LRCH2: variants seen among roughly 807,000 people sequenced by gnomAD.
LRCH2 encodes the protein leucine-rich repeat and calponin homology domain-containing protein 2.
In LRCH2, 38 loss-of-function variants were observed where a neutral mutation model predicts 68.9. The observed-to-expected ratio is 0.55, with a 90% confidence interval of 0.43 to 0.72. The LOEUF is 0.72. Among genes scored for constraint, LRCH2 ranks in the 30% least tolerant of loss-of-function variants. LRCH2 has a pLI of 0.00. For missense variants in LRCH2, 528 were observed against 572.9 expected, an observed-to-expected ratio of 0.92 and a Z score of 0.80; for synonymous variants, 191 against 208.1, an observed-to-expected ratio of 0.92 and a Z score of 0.71.
At chrX:115,161,181 C>T (rs897826855) in intron 11 of LRCH2, among the ~76,000 whole-genome samples, 9 of 111,037 alleles carry the variant, frequency 8.1e-5, no homozygotes, top group Non-Finnish European at 1.7e-4. Flanking sequence ...GGCGAAACCC[C>T]GTCTCTACTA....
chrX:115,125,835 AT>A (rs1458782232), intron 16 of LRCH2, among the ~76,000 whole-genome samples: 2 of 107,205 alleles, frequency 1.9e-5, no homozygotes, highest in East Asian at 5.8e-4. Flanking sequence ...ACAAAGACTA[AT>A]TTTAAGATAT....
chrX:115,148,104 T>C (rs2072402715), intron 14 of LRCH2, among the ~76,000 whole-genome samples: 1 of 111,401 alleles, frequency 9.0e-6, no homozygotes, highest in Non-Finnish European at 1.9e-5. Context: ...TAAAACTGTG[T>C]TTGTTTGAAA....
chrX:115,160,528 T>C (rs1376924685), intron 11 of LRCH2, among the ~76,000 whole-genome samples: 1 of 111,236 alleles, frequency 9.0e-6, no homozygotes. Context: ...TTAAGTAATA[T>C]ACAGTCAAAG....
intron 14 of LRCH2, among the ~76,000 whole-genome samples, chrX:115,137,530 G>T (rs2072300503): frequency 9.1e-6 from 1 of 109,749 alleles, no homozygotes; most frequent in African/African-American, 3.3e-5. Context: ...AGAAAAATGA[G>T]ATAGAAACCA....
intron 1 of LRCH2, among the ~76,000 whole-genome samples, chrX:115,221,179 C>CAAAA (rs1166166479): frequency 4.4e-5 from 3 of 68,897 alleles, no homozygotes; most frequent in African/African-American, 2.1e-4. Flanking sequence ...TCCATCTTAA[C>CAAAA]AAAAAAAAAA....
At chrX:115,178,446 T>A (rs1308954177) in intron 5 of LRCH2, among the ~76,000 whole-genome samples, 3 of 112,350 alleles carry the variant, frequency 2.7e-5, no homozygotes, top group African/African-American at 6.5e-5. Context: ...AACATTTCCA[T>A]CATTCAGAAA....
chrX:115,209,927 T>C (rs782308836), intron 1 of LRCH2, among the ~76,000 whole-genome samples: 1 of 111,518 alleles, frequency 9.0e-6, no homozygotes, highest in African/African-American at 3.3e-5. Flanking sequence ...CTGTGGAACT[T>C]TGAACTTGAG....
Position 115,126,878 on chromosome X carries a change from C to T in LRCH2, c.1756G>A (p.Ala586Thr). Residue 586 changes from alanine (A) to threonine (T), a missense_variant, in exon 16 of 21, where the codon GCT (alanine) becomes ACT (threonine). By Grantham distance (58) the Ala-to-Thr change is moderately conservative (BLOSUM62 0). Transcript: ENST00000317135. Reference protein sequence around the residue: ...NENDEQDSDNANMSTQSPVSS... With the variant: ...NENDEQDSDNTNMSTQSPVSS... ...ACTGGAGATTGTGTTGACATATTAGCATTATCACTGTCTTGCTAAAACATA... is the reference window on the plus strand; with the variant it reads ...ACTGGAGATTGTGTTGACATATTAGTATTATCACTGTCTTGCTAAAACATA... The T allele has an allele frequency of 9.4e-7, 1 of 1,062,825 alleles. No homozygotes were observed. Among genetic ancestry groups the T allele is most frequent in the Non-Finnish European group, 1.2e-6 (1 of 808,779 alleles). The allele number at this position is 1,062,825 out of a possible 1,213,427, so 87.6% of individuals were successfully genotyped here. A position where few individuals can be genotyped will look rare whatever the true frequency, so the allele number is the denominator to read the frequency against.
At chrX:115,150,657 G>A (rs1318637714) in intron 12 of LRCH2, among the ~76,000 whole-genome samples, 1 of 110,906 alleles carries the variant, frequency 9.0e-6, no homozygotes, top group African/African-American at 3.3e-5. Flanking sequence ...GTCCACTGAA[G>A]CTGCTATAAC....
At chrX:115,192,383 G>A (rs1556561251) in intron 1 of LRCH2, 3 of 1,158,347 alleles carry the variant, frequency 2.6e-6, no homozygotes, top group African/African-American at 3.6e-5. Flanking sequence ...GGAGGAGGAG[G>A]CCACTACGAG....
At chrX:115,163,446 G>C (rs1556542905) in intron 11 of LRCH2, among the ~76,000 whole-genome samples, 1 of 111,097 alleles carries the variant, frequency 9.0e-6, no homozygotes, top group Non-Finnish European at 1.9e-5. Context: ...CCCGTCCTAA[G>C]TATTTCCTAT....
intron 5 of LRCH2, among the ~76,000 whole-genome samples, chrX:115,172,752 A>ATTT (rs35680669): frequency 1.7e-4 from 14 of 82,711 alleles, no homozygotes; most frequent in East Asian, 3.8e-4. Context: ...CTTACTTTCT[A>ATTT]TTTTTTTTTT....
At chrX:115,204,988 C>T (rs2072955380) in intron 1 of LRCH2, among the ~76,000 whole-genome samples, 2 of 111,794 alleles carry the variant, frequency 1.8e-5, no homozygotes, top group South Asian at 3.8e-4. Flanking sequence ...TATAAAACCA[C>T]CTGAGACTGG....
At chrX:115,180,859 A>G (rs1385822767) in intron 3 of LRCH2, among the ~76,000 whole-genome samples, 3 of 111,787 alleles carry the variant, frequency 2.7e-5, no homozygotes, top group Non-Finnish European at 5.6e-5. Flanking sequence ...GGGATTTATC[A>G]AGGGGCAAAA....
At chrX:115,177,931 T>C (rs1303317769) in intron 5 of LRCH2, among the ~76,000 whole-genome samples, 1 of 111,451 alleles carries the variant, frequency 9.0e-6, no homozygotes, top group Non-Finnish European at 1.9e-5. Flanking sequence ...TAAATGTAAA[T>C]TAATCAAATC....
Position 115,125,592 on chromosome X carries a change from T to C in LRCH2, c.1791+1251A>G, listed in dbSNP as rs201794119. ...ATATATACACACACACATATATATA[T>C]ACACATATATATACGTATATATATA... On this transcript the variant is annotated intron_variant, in intron 16 of 20. Transcript: ENST00000317135. Among the ~76,000 whole-genome samples the C allele has an allele frequency of 8.0e-3, 183 of 22,907 alleles. 33 individuals carry two copies. The highest frequency in any genetic ancestry group is 0.016 in the Admixed American group (20 of 1,230). The allele number at this position is 22,907 out of a possible 115,157, so 19.9% of individuals were successfully genotyped here. A position where few individuals can be genotyped will look rare whatever the true frequency, so the allele number is the denominator to read the frequency against.
intron 1 of LRCH2, chrX:115,191,107 C>T (rs868989868): frequency 7.2e-5 from 84 of 1,162,879 alleles, no homozygotes; most frequent in Non-Finnish European, 9.5e-5. Flanking sequence ...CTATGAGTAC[C>T]GAGGCCGCTC....
intron 1 of LRCH2, among the ~76,000 whole-genome samples, chrX:115,220,212 A>C (rs1490194842): frequency 8.9e-6 from 1 of 112,156 alleles, no homozygotes; most frequent in Non-Finnish European, 1.9e-5. Flanking sequence ...TAACTTAAAC[A>C]TCTAATGATA....
rs57837250 is a variant in LRCH2 at position 115,146,906 on chromosome X, TACACACACACACACAC to T, written c.1695+2905_1695+2920del. Among the ~76,000 whole-genome samples the T allele has an allele frequency of 2.5e-3, 172 of 67,573 alleles. 2 individuals are homozygous for T. Among genetic ancestry groups the T allele is most frequent in the South Asian group, 0.012 (12 of 1,009 alleles). The allele number at this position is 67,573 out of a possible 115,157, so 58.7% of individuals were successfully genotyped here. On this transcript the variant is annotated intron_variant, in intron 14 of 20. Coordinates refer to ENST00000317135, the MANE Select transcript of LRCH2 (RefSeq NM_020871.4). ...AATACAGTTGGATTTCTTACATACA[TACACACACACACACAC>T]ACACACACACACACACACACACACA...
Sources: allele counts gnomAD v4.1 joint callset (sites outside exome capture counted in the v4.1 genomes callset), GRCh38; gene constraint gnomAD v4.1.1; transcripts MANE v1.5; gene names NCBI Gene and HGNC (gene_info 2026-07-23, HGNC 2026-07-21).